The following DIP2A variants were observed in gnomAD, a reference collection of about 807,000 sequenced individuals.
DIP2A encodes the protein DIP2 acetate--CoA ligase A, also known as disco-interacting protein 2 homolog A.
A neutral mutation model predicts 177.4 loss-of-function variants in DIP2A; 85 were observed. The observed-to-expected ratio is 0.48, with a 90% CI of 0.40 to 0.57. DIP2A has a LOEUF of 0.57. Ranked by LOEUF, DIP2A falls within the 20% of genes least tolerant of loss-of-function variation. The pLI, the probability that DIP2A is intolerant of heterozygous loss-of-function variation, is 0.00. For missense variants in DIP2A, 1,791 were observed against 2,100.2 expected, an observed-to-expected ratio of 0.85 and a Z score of 2.88; for synonymous variants, 886 against 881.8, an observed-to-expected ratio of 1.00 and a Z score of -0.08.
chr21:46,553,045 C>G (rs990362474), intron 25 of DIP2A: 1 of 152,366 alleles, frequency 6.6e-6, no homozygotes, highest in Non-Finnish European at 1.5e-5. Flanking sequence ...GCCAGGTGGT[C>G]CCAGGTAGGG....
intron 8 of DIP2A, among the ~76,000 whole-genome samples, chr21:46,519,461 A>C (rs2058725775): frequency 6.6e-6 from 1 of 152,162 alleles, no homozygotes; most frequent in South Asian, 2.1e-4. Context: ...TTAATTCTAA[A>C]GGTTGTAGAG....
At chr21:46,538,301 C>T (rs919994961) in intron 15 of DIP2A, among the ~76,000 whole-genome samples, 182 bp from the exon 16 acceptor site, 3 of 152,098 alleles carry the variant, frequency 2.0e-5, no homozygotes, top group African/African-American at 7.2e-5. Flanking sequence ...GTGGAAAAAG[C>T]TTTGAGGGTT....
rs993496279 is a variant in DIP2A, at chr21:46,568,824, A to T, written c.*1202A>T. 3 of 152,210 alleles carry T rather than the reference A, an allele frequency of 2.0e-5. No homozygotes were observed. Among genetic ancestry groups the T allele is most frequent in the African/African-American group, 7.2e-5 (3 of 41,436 alleles). 9.4% of individuals were successfully genotyped at this position (152,210 alleles called of 1,614,324 possible). ...ATATCCATAGTGCTGTTTGGTGAGTACCGGCAGTACAGTTGAGGGGAGCAG... is the reference window on the plus strand; with the variant it reads ...ATATCCATAGTGCTGTTTGGTGAGTTCCGGCAGTACAGTTGAGGGGAGCAG... On this transcript the variant is annotated 3_prime_UTR_variant, in exon 38 of 38. Transcript: ENST00000417564.
chr21:46,545,574 G>A (rs1006551114), intron 19 of DIP2A, among the ~76,000 whole-genome samples: 11 of 152,208 alleles, frequency 7.2e-5, no homozygotes, highest in East Asian at 1.9e-4. Flanking sequence ...GGCACTCACC[G>A]TGGCCCCAGG....
intron 9 of DIP2A, among the ~76,000 whole-genome samples, 182 bp from the exon 10 acceptor site, chr21:46,531,945 A>C (rs2059373028): frequency 6.6e-6 from 1 of 152,186 alleles, no homozygotes; most frequent in African/African-American, 2.4e-5. Context: ...CGTGTTCTCA[A>C]AGGCCCTGAG....
rs1163761276 is a variant in DIP2A at position 46,567,513 on chromosome 21, AC to A, written c.4610del (p.Pro1537GlnfsTer3). 6.2e-7 allele frequency: 1 copy of A among 1,613,648 alleles called. No individual in the cohort carries two copies. Among genetic ancestry groups the A allele is most frequent in the Non-Finnish European group, 8.5e-7 (1 of 1,179,814 alleles). ...GTCGTGGGAGTGGTGGTCATCGTGG[AC>A]CCAGGGGTGATCCCTATCAACTCTC... ...YLVVGVVVIV[D>X]PGVIPINSRG... On this transcript the variant is annotated frameshift_variant, in exon 38 of 38. Transcript: ENST00000417564. LOFTEE classifies it high-confidence loss of function.
At position 46,490,702 on chromosome 21, in the gene DIP2A, A is replaced by T. The variant is rs910338838; in HGVS notation, c.266A>T (p.Asp89Val). The change falls in exon 3 of 38, where the codon GAT becomes GTT. Residue 89 changes from aspartate (D) to valine (V), a missense_variant. Transcript: ENST00000417564. ...QQKSRPTASRDERFRSDVHTE... is the reference protein window; with the variant it reads ...QQKSRPTASRVERFRSDVHTE... The stretch of plus-strand genomic sequence containing the variant: ...AAGTCTCGGCCCACCGCCTCGAGGG[A>T]TGAGCGCTTCCGGTCAGGTAGGGTC... The T allele has an allele frequency of 6.3e-7, 1 of 1,583,084 alleles. No individual in the cohort carries two copies. Among genetic ancestry groups the T allele is most frequent in the Non-Finnish European group, 8.6e-7 (1 of 1,164,818 alleles).
Position 46,569,182 on chromosome 21 carries a change from G to T in DIP2A, c.*1560G>T, listed in dbSNP as rs1373006174. On this transcript the variant is annotated 3_prime_UTR_variant, in exon 38 of 38. Coordinates refer to ENST00000417564, the MANE Select transcript of DIP2A (RefSeq NM_015151.4). ...CATGCATGCTTCACAGAAACAACCA[G>T]GTTTTTCCAGAATTAGTCTGGATCA... is the stretch of plus-strand genomic sequence containing the variant. 2.0e-5 allele frequency: 3 copies of T among 152,124 alleles called. No homozygotes were observed. Among genetic ancestry groups the T allele is most frequent in the African/African-American group, 7.2e-5 (3 of 41,434 alleles). 9.4% of individuals were successfully genotyped at this position (152,124 alleles called of 1,614,324 possible).
intron 20 of DIP2A, chr21:46,546,351 C>T: frequency 1.9e-6 from 2 of 1,028,152 alleles, no homozygotes; most frequent in Non-Finnish European, 2.3e-6. Flanking sequence ...TTTGCCCCTT[C>T]CCTCCCAGGG....
chr21:46,521,882 A>G (rs1255276737), intron 8 of DIP2A, among the ~76,000 whole-genome samples: 1 of 152,140 alleles, frequency 6.6e-6, no homozygotes, highest in Non-Finnish European at 1.5e-5. Flanking sequence ...AATCTAGGCA[A>G]AAAAAAATCC....
chr21:46,546,904 C>CT lies in DIP2A; in HGVS notation c.2395-8dup. ...TGTGGGTGGAGTCTTGACGCACACC[C>CT]TTTCCCTCAGGACAACCTGGTCTTC... On this transcript the variant is annotated splice_polypyrimidine_tract_variant and intron_variant, in intron 20 of 37. Transcript: ENST00000417564. The CT allele has an allele frequency of 6.2e-7, 1 of 1,613,508 alleles. No homozygotes were observed. The highest frequency in any genetic ancestry group is 8.5e-7 in the Non-Finnish European group (1 of 1,179,654).
intron 22 of DIP2A, 44 bp downstream of exon 22, chr21:46,549,929 C>T (rs2060209568): frequency 2.5e-6 from 4 of 1,603,958 alleles, no homozygotes; most frequent in Non-Finnish European, 3.4e-6. Context: ...ATCTCCCAAG[C>T]TGGCACCCCC....
At chr21:46,484,605 A>G (rs1013778151) in intron 1 of DIP2A, among the ~76,000 whole-genome samples, 152 bp from the exon 2 acceptor site, 1 of 152,148 alleles carries the variant, frequency 6.6e-6, no homozygotes, top group Admixed American at 6.6e-5. Flanking sequence ...GCTGAGTGGT[A>G]TTCCATTTTA....
chr21:46,529,198 T>C lies in DIP2A; in HGVS notation c.1194+15T>C. The C allele has an allele frequency of 2.1e-6, 3 of 1,450,016 alleles. No homozygotes were observed. The highest frequency in any genetic ancestry group is 2.8e-6 in the Non-Finnish European group (3 of 1,067,582). 89.8% of individuals were successfully genotyped at this position (1,450,016 alleles called of 1,614,324 possible). ...CTGGAGACAGAGTAAGTAACTAGAATGTCACTTTGTTGGAAGGAGCAAAAG... is the reference window on the plus strand; with the variant it reads ...CTGGAGACAGAGTAAGTAACTAGAACGTCACTTTGTTGGAAGGAGCAAAAG... On this transcript the variant is annotated intron_variant, in intron 9 of 37. Coordinates refer to ENST00000417564, the MANE Select transcript of DIP2A (RefSeq NM_015151.4).
chr21:46,488,222 C>T (rs933142398), intron 2 of DIP2A, among the ~76,000 whole-genome samples: 1 of 152,064 alleles, frequency 6.6e-6, no homozygotes, highest in African/African-American at 2.4e-5. Flanking sequence ...CTTCCTCCTC[C>T]CCACCATTAG....
At chr21:46,547,687 A>G (rs1276608801) in intron 21 of DIP2A, among the ~76,000 whole-genome samples, 1 of 122,090 alleles carries the variant, frequency 8.2e-6, no homozygotes, top group Non-Finnish European at 1.6e-5. Context: ...TTTTTTAAAG[A>G]TAGGGTCTCA....
intron 1 of DIP2A, among the ~76,000 whole-genome samples, chr21:46,461,076 T>C (rs896004901): frequency 6.6e-6 from 1 of 151,264 alleles, no homozygotes; most frequent in Middle Eastern, 3.4e-3. Flanking sequence ...GGAGGCCACG[T>C]TGGCTTGGAG....
At chr21:46,463,707 TGTGTGTGTGTGTA>T (rs1288862420) in intron 1 of DIP2A, among the ~76,000 whole-genome samples, 82 of 151,690 alleles carry the variant, frequency 5.4e-4, no homozygotes, top group Non-Finnish European at 9.4e-4. Flanking sequence ...TGTGTGTGTG[TGTGTGTGTGTGTA>T]TATTTTGAGA....
chr21:46,538,425 C>T (rs530327300), intron 15 of DIP2A, 58 bp from the exon 16 acceptor site: 80 of 1,524,752 alleles, frequency 5.2e-5, no homozygotes, highest in Non-Finnish European at 6.6e-5. Context: ...TGTCTGTAGG[C>T]GTGTGAGGGT....
Sources: gnomAD v4.1 joint callset for allele counts (sites outside exome capture counted in the v4.1 genomes callset) on GRCh38, gnomAD v4.1.1 for gene constraint, MANE v1.5 for transcripts, NCBI Gene and HGNC (gene_info 2026-07-23, HGNC 2026-07-21) for gene names.